The following EYA4 variants were observed in gnomAD, a reference collection of about 807,000 sequenced individuals.
EYA4 encodes EYA transcriptional coactivator and phosphatase 4, also known as protein phosphatase EYA4.
Under a neutral mutation model 87.9 loss-of-function variants are expected in EYA4, and 31 were observed. That is an observed-to-expected ratio of 0.35 (90% CI 0.27 to 0.48). The LOEUF (loss-of-function observed/expected upper bound fraction) is 0.48. Ranked by LOEUF, EYA4 falls within the 20% of genes least tolerant of loss-of-function variation. The probability of loss-of-function intolerance (pLI) is 0.99; values close to 1 mark genes in which losing one functional copy is unlikely to be tolerated. For missense variants in EYA4, 678 were observed against 761.4 expected, an observed-to-expected ratio of 0.89 and a Z score of 1.29; for synonymous variants, 263 against 270.6, an observed-to-expected ratio of 0.97 and a Z score of 0.28.
At position 133,523,197 on chromosome 6, in the gene EYA4, C is replaced by T. The variant is rs1464212512; in HGVS notation, c.1738+20C>T. ...AAATAGGTAAGGAAATTATTTTAAA[C>T]TCTGTATGGAATGTGTCCACATCTG... On this transcript the variant is annotated intron_variant, in intron 18 of 19. Coordinates refer to ENST00000355286, the MANE Select transcript of EYA4 (RefSeq NM_004100.5). 6.2e-7 allele frequency: 1 copy of T among 1,609,266 alleles called. No homozygotes were observed. Among genetic ancestry groups the T allele is most frequent in the Middle Eastern group, 1.7e-4 (1 of 6,032 alleles).
chr6:133,265,457 G>T (rs537551874), intron 1 of EYA4, among the ~76,000 whole-genome samples: 1 of 152,004 alleles, frequency 6.6e-6, no homozygotes, highest in Non-Finnish European at 1.5e-5. Flanking sequence ...TTATTATGAG[G>T]TAATGCTTCT....
intron 2 of EYA4, among the ~76,000 whole-genome samples, chr6:133,289,404 G>GGT (rs1778312760): frequency 6.6e-6 from 1 of 152,110 alleles, no homozygotes; most frequent in Admixed American, 6.6e-5. Context: ...AAAAATAGTA[G>GGT]GTGATCTCCT....
At chr6:133,499,206 C>T (rs966925495) in intron 13 of EYA4, among the ~76,000 whole-genome samples, 1 of 152,072 alleles carries the variant, frequency 6.6e-6, no homozygotes, top group East Asian at 1.9e-4. Flanking sequence ...ATTCTTTAAC[C>T]ATCATCAACC....
At chr6:133,501,895 A>G (rs1272974957) in intron 13 of EYA4, among the ~76,000 whole-genome samples, 1 of 152,192 alleles carries the variant, frequency 6.6e-6, no homozygotes, top group African/African-American at 2.4e-5. Flanking sequence ...GCTCCAATTT[A>G]TGCTCTGTGT....
chr6:133,372,963 G>A (rs1325701070), intron 2 of EYA4, among the ~76,000 whole-genome samples: 1 of 151,840 alleles, frequency 6.6e-6, no homozygotes, highest in African/African-American at 2.4e-5. Context: ...GCATATATAT[G>A]TACTTATACA....
At chr6:133,465,771 T>A (rs1031976296) in intron 10 of EYA4, among the ~76,000 whole-genome samples, 1 of 152,166 alleles carries the variant, frequency 6.6e-6, no homozygotes, top group Non-Finnish European at 1.5e-5. Context: ...TTTTTAGATT[T>A]ACTGAAGGAA....
At chr6:133,513,249 G>C (rs1363582416) in intron 16 of EYA4, among the ~76,000 whole-genome samples, 1 of 152,182 alleles carries the variant, frequency 6.6e-6, no homozygotes, top group Non-Finnish European at 1.5e-5. Flanking sequence ...GGAATTCTTT[G>C]TGTAACCTTG....
chr6:133,261,156 T>C (rs936703416), intron 1 of EYA4, among the ~76,000 whole-genome samples: 1 of 152,210 alleles, frequency 6.6e-6, no homozygotes, highest in African/African-American at 2.4e-5. Flanking sequence ...TTCTCTTGGC[T>C]TCTCACTTGG....
At chr6:133,364,502 G>C (rs1319125744) in intron 2 of EYA4, among the ~76,000 whole-genome samples, 5 of 152,180 alleles carry the variant, frequency 3.3e-5, no homozygotes, top group Non-Finnish European at 4.4e-5. Flanking sequence ...TGGCATCACA[G>C]ACTTGGGGCT....
At chr6:133,294,107 A>G (rs1384692359) in intron 2 of EYA4, among the ~76,000 whole-genome samples, 1 of 140,168 alleles carries the variant, frequency 7.1e-6, no homozygotes, top group Non-Finnish European at 1.5e-5. Context: ...ATATATTTTA[A>G]AAAACTGTTA....
intron 3 of EYA4, among the ~76,000 whole-genome samples, chr6:133,406,153 T>C (rs187652611): frequency 1.4e-4 from 22 of 152,312 alleles, no homozygotes; most frequent in Admixed American, 9.1e-4. Context: ...CAGGCAGTTA[T>C]TTACCACCTA....
At chr6:133,310,872 A>G (rs904459735) in intron 2 of EYA4, among the ~76,000 whole-genome samples, 1 of 152,200 alleles carries the variant, frequency 6.6e-6, no homozygotes, top group African/African-American at 2.4e-5. Context: ...TTCGTGTGTT[A>G]TGTTTTGAAC....
chr6:133,438,040 T>C (rs1195702649), intron 3 of EYA4, among the ~76,000 whole-genome samples: 2 of 152,164 alleles, frequency 1.3e-5, no homozygotes, highest in Non-Finnish European at 2.9e-5. Flanking sequence ...GATTTTACAT[T>C]CTGTATAAAT....
Position 133,529,522 on chromosome 6 carries a change from G to GGAAA in EYA4, c.*717_*718insGAAA. On this transcript the variant is annotated 3_prime_UTR_variant, in exon 20 of 20. Coordinates refer to ENST00000355286, the MANE Select transcript of EYA4 (RefSeq NM_004100.5). ...TTTGGTTAAAATCTCTGTAGATAAT[G>GGAAA]AAAAAAAACAAAAAAAAAAACCTTT... 1 of 878,988 alleles carries GGAAA rather than the reference G, an allele frequency of 1.1e-6. No homozygotes were observed. The highest frequency in any genetic ancestry group is 2.2e-5 in the African/African-American group (1 of 44,540). 54.4% of individuals were successfully genotyped at this position (878,988 alleles called of 1,614,324 possible).
chr6:133,406,268 C>T (rs1788702940), intron 3 of EYA4, among the ~76,000 whole-genome samples: 1 of 152,158 alleles, frequency 6.6e-6, no homozygotes, highest in Non-Finnish European at 1.5e-5. Context: ...AAGACACATA[C>T]AGGACTCATG....
At position 133,530,637 on chromosome 6, in the gene EYA4, C is replaced by A. The variant is rs1202588341; in HGVS notation, c.*1832C>A. ...TCACTGTGGAAATATGATTTCATTT[C>A]TTTAGGCTACAAACCTGTATTTCTT... On this transcript the variant is annotated 3_prime_UTR_variant, in exon 20 of 20. Coordinates refer to ENST00000355286, the MANE Select transcript of EYA4 (RefSeq NM_004100.5). 1.0e-6 allele frequency: 1 copy of A among 985,638 alleles called. No homozygotes were observed. The highest frequency in any genetic ancestry group is 1.2e-6 in the Non-Finnish European group (1 of 829,740). 61.1% of individuals were successfully genotyped at this position (985,638 alleles called of 1,614,324 possible).
intron 1 of EYA4, among the ~76,000 whole-genome samples, chr6:133,252,104 T>A (rs1774955400): frequency 6.6e-6 from 1 of 152,266 alleles, no homozygotes; most frequent in Admixed American, 6.5e-5. Flanking sequence ...GAATCATCTA[T>A]GTGTCTTTTC....
chr6:133,318,396 G>T (rs1215583008), intron 2 of EYA4, among the ~76,000 whole-genome samples: 1 of 152,178 alleles, frequency 6.6e-6, no homozygotes, highest in Non-Finnish European at 1.5e-5. Context: ...TGAATGAACT[G>T]TTAAAACTGT....
intron 13 of EYA4, among the ~76,000 whole-genome samples, chr6:133,500,721 C>T (rs1009726666): frequency 3.9e-5 from 6 of 152,096 alleles, no homozygotes; most frequent in African/African-American, 1.4e-4. Flanking sequence ...AAAGAATCGA[C>T]TCCTGAAAGG....
Sources: gnomAD v4.1 joint callset for allele counts (sites outside exome capture counted in the v4.1 genomes callset) on GRCh38, gnomAD v4.1.1 for gene constraint, MANE v1.5 for transcripts, NCBI Gene and HGNC (gene_info 2026-07-23, HGNC 2026-07-21) for gene names.